VWA5B1: variants seen among roughly 807,000 people sequenced by gnomAD.
The protein encoded by VWA5B1 is von Willebrand factor A domain-containing protein 5B1.
VWA5B1 carries 115 observed loss-of-function variants against 118.2 expected under a neutral mutation model. That is an observed-to-expected ratio of 0.97 (90% CI 0.84 to 1.14). The LOEUF is 1.14. Among genes scored for constraint, VWA5B1 ranks in the 50% most tolerant of loss-of-function variants. The pLI is 0.00. For missense variants in VWA5B1, 1,596 were observed against 1,603.8 expected, an observed-to-expected ratio of 1.00 and a Z score of 0.08; for synonymous variants, 682 against 658.4, an observed-to-expected ratio of 1.04 and a Z score of -0.55.
chr1:20,293,033 A>G (rs2088340907), intron 1 of VWA5B1, among the ~76,000 whole-genome samples: 1 of 152,212 alleles, frequency 6.6e-6, no homozygotes. Context: ...CACAGCTCTC[A>G]GAAGGTGCTC....
chr1:20,340,570 G>T (rs2089849737), intron 14 of VWA5B1, among the ~76,000 whole-genome samples: 1 of 152,150 alleles, frequency 6.6e-6, no homozygotes, highest in Admixed American at 6.5e-5. Flanking sequence ...TTAACTGTTG[G>T]CCTAAAAAAC....
At position 20,314,545 on chromosome 1, in the gene VWA5B1, C is replaced by G. The variant is rs1441952391; in HGVS notation, c.516C>G (p.Pro172=). The G allele has an allele frequency of 6.4e-7, 1 of 1,551,684 alleles. No homozygotes were observed. Among genetic ancestry groups the G allele is most frequent in the Admixed American group, 2.0e-5 (1 of 51,012 alleles). Residue 172 remains proline, a synonymous_variant, in exon 4 of 22, where the codon CCC becomes CCG. Transcript: ENST00000289815. Reference sequence around the variant, plus strand: ...CTGCTGTCTGTGCCCCAACCGTGCCCCAGTTCTGCACCAAGAGCACTGGCA... The same window carrying G: ...CTGCTGTCTGTGCCCCAACCGTGCCGCAGTTCTGCACCAAGAGCACTGGCA... The part of the protein sequence containing the change: ...LLPAVCAPTV[P]QFCTKSTGTS...
intron 2 of VWA5B1, among the ~76,000 whole-genome samples, chr1:20,311,540 G>A (rs150178353): frequency 6.6e-6 from 1 of 152,354 alleles, no homozygotes; most frequent in African/African-American, 2.4e-5. Context: ...GAAACCATCT[G>A]TGAATATGAA....
chr1:20,327,336 A>T (rs1264100833), intron 8 of VWA5B1, among the ~76,000 whole-genome samples: 1 of 152,170 alleles, frequency 6.6e-6, no homozygotes, highest in Non-Finnish European at 1.5e-5. Context: ...TGTAAAGTAC[A>T]TCCTGTGTAC....
intron 1 of VWA5B1, among the ~76,000 whole-genome samples, chr1:20,291,365 C>T (rs1013798344): frequency 3.4e-5 from 5 of 147,238 alleles, no homozygotes; most frequent in African/African-American, 7.8e-5. Flanking sequence ...TTCTTTCTCT[C>T]TCTCTCTCTC....
At chr1:20,318,285 G>T (rs975743381) in intron 5 of VWA5B1, 1 of 420,002 alleles carries the variant, frequency 2.4e-6, no homozygotes, top group East Asian at 5.2e-5. Flanking sequence ...CCGACGGAGC[G>T]CTGAGAGCCA....
rs569876967 is a variant in VWA5B1, at chr1:20,310,509, G to C, written c.-26-67G>C. ...CTGATTGCTTGAGGGTGTCTGAAAC[G>C]GGAAAACTAGGTTGAGGGGACCTGG... On this transcript the variant is annotated intron_variant, in intron 1 of 21. Coordinates refer to ENST00000289815, the MANE Select transcript of VWA5B1 (RefSeq NM_001039500.3). 7 of 1,395,038 alleles carry C rather than the reference G, an allele frequency of 5.0e-6. No homozygotes were observed. The South Asian group carries it at 8.1e-5, about 16-fold the overall frequency. 86.4% of individuals were successfully genotyped at this position (1,395,038 alleles called of 1,614,324 possible). A position where few individuals can be genotyped will look rare whatever the true frequency, so the allele number is the denominator to read the frequency against.
rs114138636 is a variant in VWA5B1, at chr1:20,293,851, G to C, written c.-27+2763G>C. Among the ~76,000 whole-genome samples the C allele has an allele frequency of 2.1e-3, 320 of 152,310 alleles. 2 individuals are homozygous for C. The highest frequency in any genetic ancestry group is 6.9e-3 in the African/African-American group (285 of 41,576). On this transcript the variant is annotated intron_variant, in intron 1 of 21. Transcript: ENST00000289815. ...GCTTCCTGAAGGAGGTGACACTAGA[G>C]TGGGGATTTGGAGGAAGCAATGGAT...
intron 1 of VWA5B1, among the ~76,000 whole-genome samples, chr1:20,292,084 CTTTTTTCT>C (rs1257921307): frequency 2.0e-5 from 3 of 152,060 alleles, no homozygotes; most frequent in Non-Finnish European, 2.9e-5. Context: ...TTCTCTCTTT[CTTTTTTCT>C]TTTTTTCTTT....
At chr1:20,351,918 C>A in intron 20 of VWA5B1, 137 bp from the exon 21 acceptor site, 2 of 621,388 alleles carry the variant, frequency 3.2e-6, no homozygotes, top group East Asian at 3.0e-5. Context: ...TGTTTCCAGG[C>A]TTCTGCTTCC....
At chr1:20,323,573 A>AG in intron 8 of VWA5B1, 41 bp downstream of exon 8, 1 of 1,341,610 alleles carries the variant, frequency 7.5e-7, no homozygotes, top group Non-Finnish European at 9.6e-7. Context: ...CCGGGGCTCC[A>AG]GGGGAAATCA....
intron 2 of VWA5B1, 134 bp from the exon 3 acceptor site, chr1:20,312,702 C>T (rs535548561): frequency 1.4e-5 from 17 of 1,257,932 alleles, no homozygotes; most frequent in East Asian, 2.8e-5. Flanking sequence ...GGCTCTCTGC[C>T]GAGGCCTCTC....
intron 8 of VWA5B1, among the ~76,000 whole-genome samples, chr1:20,325,478 A>G (rs1410817460): frequency 1.3e-5 from 2 of 152,180 alleles, no homozygotes; most frequent in African/African-American, 4.8e-5. Flanking sequence ...ATAATTGGTC[A>G]TGACATTTTT....
chr1:20,350,874 G>T lies in VWA5B1; in HGVS notation c.2971G>T (p.Ala991Ser), dbSNP rs551470300. ...GASEGPQRSL[A>S]TNTLSSMKAS... ...CTCTCCAGGTCCCCAGCGCAGCCTG[G>T]CTACAAATACTCTTTCTTCCATGAA... Residue 991 changes from alanine (A) to serine (S), a missense_variant, in exon 20 of 22, where the codon GCT becomes TCT. By Grantham distance (99) the Ala-to-Ser change is moderately conservative (BLOSUM62 1). Transcript: ENST00000289815. The T allele has an allele frequency of 3.9e-6, 6 of 1,551,880 alleles. No homozygotes were observed. The South Asian group carries it at 7.1e-5, about 18-fold the overall frequency.
chr1:20,304,555 G>A (rs2088590819), intron 1 of VWA5B1, among the ~76,000 whole-genome samples: 1 of 151,986 alleles, frequency 6.6e-6, no homozygotes, highest in Non-Finnish European at 1.5e-5. Context: ...AAATGGAGGT[G>A]TGTGTGTGTG....
chr1:20,323,024 T>A (rs2089269914), intron 7 of VWA5B1: 1 of 188,966 alleles, frequency 5.3e-6, no homozygotes, highest in East Asian at 1.3e-4. Context: ...ACTCAGTTCA[T>A]CCTCACAACC....
Position 20,337,717 on chromosome 1 carries a change from G to C in VWA5B1, c.2014G>C (p.Ala672Pro). 6.4e-7 allele frequency: 1 copy of C among 1,551,696 alleles called. No homozygotes were observed. The change falls in exon 14 of 22, where the codon GCC becomes CCC. Residue 672 changes from alanine (A) to proline (P), a missense_variant. Coordinates refer to ENST00000289815, the MANE Select transcript of VWA5B1 (RefSeq NM_001039500.3). ...CACCAATCACAAGCCCCTCCCAAGAGCCACCATGGCAAGTGACCCCATGCC... is the reference window on the plus strand; with the variant it reads ...CACCAATCACAAGCCCCTCCCAAGACCCACCATGGCAAGTGACCCCATGCC... ...QITNHKPLPR[A>P]TMASDPMPAA...
chr1:20,314,296 G>A (rs1199772353), intron 3 of VWA5B1, 26 bp from the exon 4 acceptor site: 1 of 1,548,984 alleles, frequency 6.5e-7, no homozygotes, highest in African/African-American at 1.4e-5. Flanking sequence ...TCTATGTACA[G>A]CCCCTGACGC....
chr1:20,350,498 T>G (rs1570237062), intron 19 of VWA5B1, among the ~76,000 whole-genome samples: 1 of 152,192 alleles, frequency 6.6e-6, no homozygotes, highest in East Asian at 1.9e-4. Flanking sequence ...GGACCATTTT[T>G]GCCACTCCGC....
Sources: allele counts gnomAD v4.1 joint callset (sites outside exome capture counted in the v4.1 genomes callset), GRCh38; gene constraint gnomAD v4.1.1; transcripts MANE v1.5; gene names NCBI Gene and HGNC (gene_info 2026-07-23, HGNC 2026-07-21).